Variants in MAK observed in about 807,000 individuals in gnomAD.
MAK encodes male germ cell associated kinase.
In MAK, 65 loss-of-function variants were observed where a neutral mutation model predicts 82.6. That is an observed-to-expected ratio of 0.79 (90% confidence interval 0.64 to 0.97). The LOEUF is 0.97. Among genes scored for constraint, MAK ranks in the 50% least tolerant of loss-of-function variants. The pLI, the probability that MAK is intolerant of heterozygous loss-of-function variation, is 0.00. For synonymous variants in MAK, 250 were observed against 274.2 expected, an observed-to-expected ratio of 0.91 and a Z score of 0.87; for missense variants, 703 against 780.2, an observed-to-expected ratio of 0.90 and a Z score of 1.18.
In MAK at chr6:10,827,296, CA is replaced by C. The variant is rs142549387; in HGVS notation, c.101+3251del. On this transcript the variant is annotated intron_variant, in intron 2 of 14. Coordinates refer to ENST00000354489, the MANE Select transcript of MAK (RefSeq NM_001242957.3). The stretch of plus-strand genomic sequence containing the variant: ...CCTCCTCCCCAGAACCCATGGCTAT[CA>C]TGGATTTTGGGTGTATCTTTCCAGG... Among the ~76,000 whole-genome samples the C allele has an allele frequency of 1.4e-4, 22 of 152,240 alleles. 1 individual carries two copies. The East Asian group carries it at 4.2e-3, about 29-fold the overall frequency.
Position 10,796,312 on chromosome 6 carries a change from A to G in MAK, c.832-3T>C, listed in dbSNP as rs1775556282. 6.2e-7 allele frequency: 1 copy of G among 1,609,876 alleles called. No homozygotes were observed. Among genetic ancestry groups the G allele is most frequent in the African/African-American group, 1.3e-5 (1 of 74,882 alleles). On this transcript the variant is annotated splice_polypyrimidine_tract_variant and splice_region_variant and intron_variant, in intron 8 of 14. Transcript: ENST00000354489. ...TGAAAATATGGGTGTTTCAATGCCT[A>G]TAAAAACACAGAGAAAACAACAAAT... is the stretch of plus-strand genomic sequence containing the variant.
rs577640920 is a variant in MAK, at chr6:10,790,665, C to T, written c.1316+1010G>A. Among the ~76,000 whole-genome samples, 6 of 152,292 alleles carry T rather than the reference C, an allele frequency of 3.9e-5. No homozygotes were observed. In the South Asian group the frequency reaches 8.3e-4, roughly 21 times the overall value. On this transcript the variant is annotated intron_variant, in intron 10 of 14. Transcript: ENST00000354489. ...GCACGTGGTGCTCTACTTCCTGCAA[C>T]GAGGCATGTCAATTTCAAATGGGAA...
At chr6:10,785,167 C>T (rs904541001) in intron 10 of MAK, among the ~76,000 whole-genome samples, 22 of 152,162 alleles carry the variant, frequency 1.4e-4, no homozygotes, top group African/African-American at 5.3e-4. Flanking sequence ...TGACTCTCTG[C>T]CTGTTGGTCC....
At chr6:10,809,153 G>A (rs1012351931) in intron 5 of MAK, among the ~76,000 whole-genome samples, 1 of 152,154 alleles carries the variant, frequency 6.6e-6, no homozygotes, top group Non-Finnish European at 1.5e-5. Flanking sequence ...TTCACACAGT[G>A]TATGAGATAA....
chr6:10,769,272 T>C (rs993224634), intron 14 of MAK, among the ~76,000 whole-genome samples: 12 of 152,220 alleles, frequency 7.9e-5, no homozygotes, highest in African/African-American at 2.9e-4. Flanking sequence ...ATTAAAGTTC[T>C]AATGATTGGC....
intron 6 of MAK, among the ~76,000 whole-genome samples, chr6:10,804,321 T>G (rs1776240471): frequency 6.6e-6 from 1 of 152,182 alleles, no homozygotes; most frequent in African/African-American, 2.4e-5. Context: ...AGTACTGATA[T>G]CCTCAACTGA....
rs1777296178 is a variant in MAK, at chr6:10,814,378, TTG to T, written c.279-657_279-656del. Among the ~76,000 whole-genome samples, 4 of 152,066 alleles carry T rather than the reference TTG, an allele frequency of 2.6e-5. No individual in the cohort carries two copies. The South Asian group carries it at 6.2e-4, about 24-fold the overall frequency. On this transcript the variant is annotated intron_variant, in intron 4 of 14. Transcript: ENST00000354489. ...TCTGTATTATGCAGGCTTGAAGAATTTGAGAGATGGCCGGATGTGGTGGCTAA... is the reference window on the plus strand; with the variant it reads ...TCTGTATTATGCAGGCTTGAAGAATTAGAGATGGCCGGATGTGGTGGCTAA...
At chr6:10,835,213 G>A (rs546996699) in intron 1 of MAK, among the ~76,000 whole-genome samples, 103 of 152,312 alleles carry the variant, frequency 6.8e-4, no homozygotes, top group African/African-American at 2.3e-3. Context: ...TTCTTTTGAA[G>A]CTTTGCAAAC....
intron 2 of MAK, 94 bp downstream of exon 2, chr6:10,830,454 G>A (rs1367164595): frequency 1.0e-5 from 11 of 1,052,670 alleles, no homozygotes; most frequent in Admixed American, 1.7e-5. Context: ...ATGAGCCACC[G>A]CGCTGGCCTG....
At chr6:10,797,454 G>A (rs1775658462) in intron 8 of MAK, among the ~76,000 whole-genome samples, 1 of 152,176 alleles carries the variant, frequency 6.6e-6, no homozygotes, top group African/African-American at 2.4e-5. Context: ...TAGAGGGCCA[G>A]GGACATTGCT....
intron 2 of MAK, among the ~76,000 whole-genome samples, chr6:10,825,284 A>C (rs992360471): frequency 3.3e-5 from 5 of 152,180 alleles, no homozygotes; most frequent in African/African-American, 1.2e-4. Context: ...CCATTGAAAG[A>C]GCTCTGGAAT....
At chr6:10,780,507 T>C (rs1200230914) in intron 11 of MAK, among the ~76,000 whole-genome samples, 2 of 143,578 alleles carry the variant, frequency 1.4e-5, no homozygotes, top group Non-Finnish European at 3.0e-5. Context: ...CAGGCTGGAG[T>C]GCAGTAGGGC....
At chr6:10,826,247 C>A (rs1373322527) in intron 2 of MAK, among the ~76,000 whole-genome samples, 1 of 151,716 alleles carries the variant, frequency 6.6e-6, no homozygotes, top group African/African-American at 2.4e-5. Flanking sequence ...TCCCCCCACC[C>A]CCCCTTTTAA....
rs1772179208 is a variant in MAK, at chr6:10,764,120, T to TA, written c.*331dup. On this transcript the variant is annotated 3_prime_UTR_variant, in exon 15 of 15. Coordinates refer to ENST00000354489, the MANE Select transcript of MAK (RefSeq NM_001242957.3). Reference sequence around the variant, plus strand: ...ACAACAAATGAAAACTAAAACACTCTAAACATTTTCTGGAAGTTGTTTTTT... The same window carrying TA: ...ACAACAAATGAAAACTAAAACACTCTAAAACATTTTCTGGAAGTTGTTTTTT... The TA allele has an allele frequency of 3.9e-6, 1 of 254,528 alleles. No individual in the cohort carries two copies. The highest frequency in any genetic ancestry group is 2.3e-5 in the African/African-American group (1 of 43,782). The allele number at this position is 254,528 out of a possible 1,614,324, so 15.8% of individuals were successfully genotyped here. A position where few individuals can be genotyped will look rare whatever the true frequency, so the allele number is the denominator to read the frequency against.
At chr6:10,797,245 C>G (rs1299911715) in intron 8 of MAK, among the ~76,000 whole-genome samples, 1 of 152,056 alleles carries the variant, frequency 6.6e-6, no homozygotes, top group East Asian at 1.9e-4. Context: ...AAAATGATCA[C>G]TGTTTGAGTT....
intron 10 of MAK, among the ~76,000 whole-genome samples, chr6:10,790,027 T>C (rs1443420829): frequency 6.6e-6 from 1 of 152,200 alleles, no homozygotes; most frequent in Non-Finnish European, 1.5e-5. Flanking sequence ...TTCAGGGGAC[T>C]ACTGTACCCA....
At chr6:10,826,167 G>T (rs1288425538) in intron 2 of MAK, among the ~76,000 whole-genome samples, 1 of 152,010 alleles carries the variant, frequency 6.6e-6, no homozygotes, top group Non-Finnish European at 1.5e-5. Context: ...CTCAGCCCCA[G>T]TTAGGCCCTC....
rs750428776 is a variant in MAK, at chr6:10,791,713, A to G, written c.1278T>C (p.Gly426=). ...CTTTTTTCCTTTTTTCTTTAAAAAC[A>G]CCCATGCTTGGCTTCTTGGAATGGG... ...GASHSKKPSM[G]VFKEKRKKDS... Residue 426 remains glycine, a synonymous_variant, in exon 10 of 15, where the codon GGT becomes GGC. Transcript: ENST00000354489. The G allele has an allele frequency of 3.6e-5, 58 of 1,613,802 alleles. No homozygotes were observed. Among genetic ancestry groups the G allele is most frequent in the Non-Finnish European group, 4.7e-5 (55 of 1,179,974 alleles).
At chr6:10,790,416 C>CAA (rs71550732) in intron 10 of MAK, among the ~76,000 whole-genome samples, 2 of 145,948 alleles carry the variant, frequency 1.4e-5, no homozygotes, top group Non-Finnish European at 3.0e-5. Flanking sequence ...AAGAGGAAAA[C>CAA]AAAAAAAAAA....
Sources: allele counts gnomAD v4.1 joint callset (sites outside exome capture counted in the v4.1 genomes callset), GRCh38; gene constraint gnomAD v4.1.1; transcripts MANE v1.5; gene names NCBI Gene and HGNC (gene_info 2026-07-23, HGNC 2026-07-21).